Variants in TLE1 observed in about 807,000 individuals in gnomAD.
TLE1 encodes the protein TLE family member 1, transcriptional corepressor.
TLE1 carries 21 observed loss-of-function variants against 89.8 expected under a neutral mutation model. The observed-to-expected ratio is 0.23, with a 90% CI of 0.17 to 0.34. The LOEUF (loss-of-function observed/expected upper bound fraction) is 0.34, where lower values mean the gene tolerates loss of function less well. Ranked by LOEUF, TLE1 falls within the 10% of genes least tolerant of loss-of-function variation. The pLI is 1.00. For missense variants in TLE1, 795 were observed against 1,031.2 expected (o/e 0.77, Z 3.14); for synonymous variants, 447 against 407.6 (o/e 1.10, Z -1.16).
rs1824461659 is a variant in TLE1 at position 81,616,044 on chromosome 9, T to G, written c.856A>C (p.Ser286Arg). The G allele has an allele frequency of 6.2e-7, 1 of 1,614,044 alleles. No individual in the cohort carries two copies. The highest frequency in any genetic ancestry group is 8.5e-7 in the Non-Finnish European group (1 of 1,180,044). The part of the protein sequence containing the change: ...NRLLKKDASS[S>R]PASTASSASS... ...GCCGAGGAGGCCGTGGAAGCTGGAC[T>G]GCTAGAAGCATCCTTCTTTAGCAGG... The change falls in exon 11 of 20, where the codon AGT becomes CGT. Residue 286 changes from serine to arginine, a missense_variant. Transcript: ENST00000376499.
At chr9:81,601,281 G>C (rs1830888266) in intron 14 of TLE1, among the ~76,000 whole-genome samples, 1 of 152,212 alleles carries the variant, frequency 6.6e-6, no homozygotes, top group African/African-American at 2.4e-5. Flanking sequence ...AGCCTGGAAA[G>C]GGTCTCTAAT....
At chr9:81,665,564 C>T (rs908930039) in intron 4 of TLE1, among the ~76,000 whole-genome samples, 5 of 152,054 alleles carry the variant, frequency 3.3e-5, no homozygotes, top group African/African-American at 1.2e-4. Context: ...CAGATAGCAA[C>T]ACTAATTGCT....
intron 14 of TLE1, among the ~76,000 whole-genome samples, chr9:81,597,863 A>T (rs1830435422): frequency 6.6e-6 from 1 of 152,222 alleles, no homozygotes; most frequent in Non-Finnish European, 1.5e-5. Context: ...TGAACTGGAA[A>T]ACAAGACTGT....
intron 6 of TLE1, among the ~76,000 whole-genome samples, chr9:81,646,722 C>A (rs945778677): frequency 6.6e-6 from 1 of 152,180 alleles, no homozygotes; most frequent in African/African-American, 2.4e-5. Flanking sequence ...ACAACTCAAT[C>A]TCTTAGGGAT....
chr9:81,636,464 A>G (rs1827375943), intron 6 of TLE1, among the ~76,000 whole-genome samples: 1 of 149,654 alleles, frequency 6.7e-6, no homozygotes, highest in African/African-American at 2.5e-5. Context: ...GGTGGGGGGA[A>G]TGCAATGATG....
At chr9:81,636,902 C>T (rs1226260679) in intron 6 of TLE1, among the ~76,000 whole-genome samples, 2 of 151,000 alleles carry the variant, frequency 1.3e-5, no homozygotes, top group African/African-American at 4.9e-5. Flanking sequence ...ACTGGGGAGG[C>T]TGAGGCAGGA....
intron 6 of TLE1, among the ~76,000 whole-genome samples, chr9:81,651,480 C>T (rs539985224): frequency 1.6e-4 from 25 of 152,226 alleles, no homozygotes; most frequent in Admixed American, 3.3e-4. Flanking sequence ...AGCAGAACCC[C>T]GGTGAAAAGC....
intron 4 of TLE1, among the ~76,000 whole-genome samples, chr9:81,670,300 T>C (rs1040896263): frequency 6.6e-6 from 1 of 151,990 alleles, no homozygotes; most frequent in East Asian, 1.9e-4. Context: ...ACCAATATTC[T>C]CACAATGCAA....
chr9:81,627,676 T>C (rs1826069842), intron 8 of TLE1, among the ~76,000 whole-genome samples: 1 of 152,240 alleles, frequency 6.6e-6, no homozygotes, highest in African/African-American at 2.4e-5. Context: ...ATCTCAGTTT[T>C]AGCCTTTATT....
At chr9:81,686,033 C>T in intron 2 of TLE1, 137 bp from the exon 3 acceptor site, 1 of 823,744 alleles carries the variant, frequency 1.2e-6, no homozygotes, top group Non-Finnish European at 2.0e-6. Flanking sequence ...CACCCAAAAG[C>T]TTTGTCCTTG....
At chr9:81,674,498 C>G (rs12347874) in intron 4 of TLE1, among the ~76,000 whole-genome samples, 2 of 152,140 alleles carry the variant, frequency 1.3e-5, no homozygotes, top group African/African-American at 4.8e-5. Flanking sequence ...GTCCCTGAGG[C>G]CAACTGAAAA....
intron 6 of TLE1, among the ~76,000 whole-genome samples, chr9:81,651,464 G>A (rs1296142372): frequency 6.6e-6 from 1 of 152,158 alleles, no homozygotes; most frequent in Non-Finnish European, 1.5e-5. Flanking sequence ...GAACTCAAGA[G>A]AGGAGAGCAG....
intron 16 of TLE1, among the ~76,000 whole-genome samples, chr9:81,588,633 T>C (rs773149502): frequency 1.3e-4 from 20 of 152,140 alleles, no homozygotes; most frequent in Non-Finnish European, 2.8e-4. Context: ...TGAGCACAGA[T>C]GCTGTGCAAG....
chr9:81,589,321 C>T (rs1311918774), intron 16 of TLE1, among the ~76,000 whole-genome samples: 2 of 152,174 alleles, frequency 1.3e-5, no homozygotes, highest in African/African-American at 2.4e-5. Flanking sequence ...GCCCTCTCTC[C>T]GTCCATATAC....
intron 4 of TLE1, among the ~76,000 whole-genome samples, chr9:81,677,564 CAAAAAAAAAAA>C (rs60091510): frequency 2.3e-5 from 2 of 85,600 alleles, no homozygotes; most frequent in East Asian, 6.5e-4. Flanking sequence ...GACTCCATCT[CAAAAAAAAAAA>C]AAAAAAAAAG....
At chr9:81,594,181 T>C (rs1254510788) in intron 14 of TLE1, among the ~76,000 whole-genome samples, 4 of 152,122 alleles carry the variant, frequency 2.6e-5, no homozygotes, top group Non-Finnish European at 5.9e-5. Context: ...CTGCCTGAGC[T>C]AAGAGCAAGA....
At chr9:81,603,583 C>G (rs780862643) in intron 14 of TLE1, among the ~76,000 whole-genome samples, 1 of 152,204 alleles carries the variant, frequency 6.6e-6, no homozygotes, top group African/African-American at 2.4e-5. Context: ...ACCAAAATAA[C>G]CTTTGTCTCC....
chr9:81,665,078 GGA>G (rs1831294554), intron 4 of TLE1, among the ~76,000 whole-genome samples: 1 of 152,174 alleles, frequency 6.6e-6, no homozygotes, highest in Admixed American at 6.5e-5. Context: ...ACAAGACAGT[GGA>G]GAGGAGAGGT....
At chr9:81,685,494 G>A (rs1161654709) in intron 4 of TLE1, among the ~76,000 whole-genome samples, 182 bp downstream of exon 4, 2 of 152,076 alleles carry the variant, frequency 1.3e-5, no homozygotes, top group East Asian at 3.9e-4. Flanking sequence ...TTAAACACTT[G>A]TAATTATCAA....
Sources: allele counts gnomAD v4.1 joint callset (sites outside exome capture counted in the v4.1 genomes callset), GRCh38; gene constraint gnomAD v4.1.1; transcripts MANE v1.5; gene names NCBI Gene and HGNC (gene_info 2026-07-23, HGNC 2026-07-21).